DNAJC18: variants seen among roughly 807,000 people sequenced by gnomAD.
The protein encoded by DNAJC18 is DnaJ heat shock protein family (Hsp40) member C18.
A neutral mutation model predicts 48.6 loss-of-function variants in DNAJC18; 40 were observed. That is an observed-to-expected ratio of 0.82 (90% confidence interval 0.64 to 1.07). DNAJC18 has a LOEUF of 1.07. Among genes scored for constraint, DNAJC18 ranks in the 50% least tolerant of loss-of-function variants. The pLI is 0.00. For synonymous variants in DNAJC18, 135 were observed against 152.2 expected (o/e 0.89, Z 0.83); for missense variants, 340 against 427.7 (o/e 0.79, Z 1.81).
chr5:139,417,363 C>A (rs943516398), intron 7 of DNAJC18, among the ~76,000 whole-genome samples: 2 of 152,138 alleles, frequency 1.3e-5, no homozygotes, highest in African/African-American at 4.8e-5. Context: ...ATTTTTACAA[C>A]CTCCAAGTGC....
intron 7 of DNAJC18, among the ~76,000 whole-genome samples, chr5:139,414,600 G>T (rs530762011): frequency 2.0e-5 from 3 of 152,226 alleles, no homozygotes; most frequent in African/African-American, 7.2e-5. Flanking sequence ...TCCTACAAAC[G>T]GGATTCCAAC....
chr5:139,438,299 G>C (rs1750720579), intron 1 of DNAJC18, among the ~76,000 whole-genome samples: 1 of 149,448 alleles, frequency 6.7e-6, no homozygotes, highest in South Asian at 2.1e-4. Context: ...CTGGGTGATA[G>C]AGCGAGACTC....
At chr5:139,436,866 T>A (rs1750672733) in intron 2 of DNAJC18, among the ~76,000 whole-genome samples, 1 of 152,212 alleles carries the variant, frequency 6.6e-6, no homozygotes, top group Admixed American at 6.5e-5. Context: ...TCATTTTCAC[T>A]CATCTCAAAG....
chr5:139,438,326 A>AAG (rs1561471082), intron 1 of DNAJC18, among the ~76,000 whole-genome samples: 1 of 142,908 alleles, frequency 7.0e-6, no homozygotes, highest in Non-Finnish European at 1.6e-5. Flanking sequence ...AAAAAAAAAA[A>AAG]AAAGAACATT....
In DNAJC18 at chr5:139,433,359, G is replaced by A. The variant is rs188268631; in HGVS notation, c.227+4013C>T. On this transcript the variant is annotated intron_variant, in intron 2 of 7. Coordinates refer to ENST00000302060, the MANE Select transcript of DNAJC18 (RefSeq NM_152686.4). ...CTTGGGAGGCTGAGGCAGGACAATC[G>A]CTTGAACCTGGGAGGTGGAGGTTGC... Among the ~76,000 whole-genome samples the A allele has an allele frequency of 1.4e-3, 218 of 151,510 alleles. 1 individual carries two copies. The highest frequency in any genetic ancestry group is 3.4e-4 in the Non-Finnish European group (23 of 67,938).
At chr5:139,419,174 T>A (rs1407428507) in intron 7 of DNAJC18, 4 of 445,266 alleles carry the variant, frequency 9.0e-6, no homozygotes, top group Non-Finnish European at 1.8e-5. Flanking sequence ...GGGTACCTCC[T>A]GAAAAATAAA....
rs1009358287 is a variant in DNAJC18 at position 139,435,131 on chromosome 5, C to A, written c.227+2241G>T. Among the ~76,000 whole-genome samples, 3 of 152,108 alleles carry A rather than the reference C, an allele frequency of 2.0e-5. 1 individual carries two copies. The highest frequency in any genetic ancestry group is 6.8e-3 in the Middle Eastern group (2 of 294). On this transcript the variant is annotated intron_variant, in intron 2 of 7. Coordinates refer to ENST00000302060, the MANE Select transcript of DNAJC18 (RefSeq NM_152686.4). ...ATCCCAGCACTTTGGGAGGCCGAGG[C>A]GGGCAGATCACAAGGTCACGAGACC...
chr5:139,423,066 T>G (rs1458312443), intron 5 of DNAJC18, among the ~76,000 whole-genome samples: 1 of 152,128 alleles, frequency 6.6e-6, no homozygotes, highest in Non-Finnish European at 1.5e-5. Context: ...TCTCCTGACC[T>G]CGTGATCTGC....
Position 139,425,116 on chromosome 5 carries a change from T to C in DNAJC18, c.560-2A>G. 1 of 1,609,758 alleles carries C rather than the reference T, an allele frequency of 6.2e-7. No individual in the cohort carries two copies. The highest frequency in any genetic ancestry group is 1.7e-4 in the Middle Eastern group (1 of 6,038). The stretch of plus-strand genomic sequence containing the variant: ...CATTTGAAAACATATGAATATTTCC[T>C]GGAAAAGAAATACATGGTATGGGAT... On this transcript the variant is annotated splice_acceptor_variant, in intron 4 of 7. Transcript: ENST00000302060. LOFTEE classifies it high-confidence loss of function.
Position 139,439,426 on chromosome 5 carries a change from C to T in DNAJC18, c.20G>A (p.Ser7Asn). The T allele has an allele frequency of 1.2e-6, 2 of 1,613,926 alleles. No homozygotes were observed. Among genetic ancestry groups the T allele is most frequent in the South Asian group, 1.1e-5 (1 of 91,086 alleles). Reference sequence around the variant, plus strand: ...AGTACCTTCCGTCCAGCGCTCCCCGCTGCCCAGAGTCGCCGCCATATCGGT... The same window carrying T: ...AGTACCTTCCGTCCAGCGCTCCCCGTTGCCCAGAGTCGCCGCCATATCGGT... MAATLG[S>N]GERWTEAYID... is the part of the protein sequence containing the mutation. Residue 7 changes from serine to asparagine, a missense_variant, in exon 1 of 8, where the codon AGC (serine) becomes AAC (asparagine). Ser to Asn is a conservative substitution (Grantham distance 46, BLOSUM62 1). Transcript: ENST00000302060. The surrounding 1 kb of genome is among the most constrained non-coding windows in gnomAD (Gnocchi z 4.1).
intron 5 of DNAJC18, among the ~76,000 whole-genome samples, chr5:139,424,717 CAAAAAAAAAAAAAAAAAAAAA>C (rs70982777): frequency 4.3e-5 from 1 of 23,100 alleles, no homozygotes; most frequent in Admixed American, 8.2e-4. Flanking sequence ...GACCCTCTCT[CAAAAAAAAAAAAAAAAAAAAA>C]AAAAAAAAAA....
At position 139,413,353 on chromosome 5, in the gene DNAJC18, G is replaced by A. The variant is rs1014658278; in HGVS notation, c.*795C>T. On this transcript the variant is annotated 3_prime_UTR_variant, in exon 8 of 8. Coordinates refer to ENST00000302060, the MANE Select transcript of DNAJC18 (RefSeq NM_152686.4). ...GGATGTAGGAACTCAGCCTAAGTGCGATGACACCAATGATGATACTGAGGG... is the reference window on the plus strand; with the variant it reads ...GGATGTAGGAACTCAGCCTAAGTGCAATGACACCAATGATGATACTGAGGG... 1 of 153,950 alleles carries A rather than the reference G, an allele frequency of 6.5e-6. No individual in the cohort carries two copies. The highest frequency in any genetic ancestry group is 2.4e-5 in the African/African-American group (1 of 41,510). 9.5% of individuals were successfully genotyped at this position (153,950 alleles called of 1,614,324 possible).
rs370514481 is a variant in DNAJC18 at position 139,439,482 on chromosome 5, C to A, written c.-37G>T. The A allele has an allele frequency of 3.0e-5, 49 of 1,613,602 alleles. No homozygotes were observed. The highest frequency in any genetic ancestry group is 3.9e-5 in the Non-Finnish European group (46 of 1,179,976). ...ATCAGCAGGTCCGCCGAGCCTCCCC[C>A]GTGCCCGAGGCTGAAAGAGAAGGGG... On this transcript the variant is annotated 5_prime_UTR_variant, in exon 1 of 8. Transcript: ENST00000302060. This position sits in a 1 kb window ranked among gnomAD's most constrained non-coding sequence, Gnocchi z 4.1.
intron 2 of DNAJC18, among the ~76,000 whole-genome samples, chr5:139,432,995 G>A (rs1759353920): frequency 6.6e-6 from 1 of 152,132 alleles, no homozygotes; most frequent in African/African-American, 2.4e-5. Context: ...AGTTGATGAG[G>A]TAGGGCTGGC....
rs7733910 is a variant in DNAJC18, at chr5:139,425,455, C to T, written c.560-341G>A. ...TTGGGATTACAGGCGTAAGCTACCG[C>T]GCCTGACCCTTCCTTGCCTTTTTCA... is the stretch of plus-strand genomic sequence containing the variant. On this transcript the variant is annotated intron_variant, in intron 4 of 7. Coordinates refer to ENST00000302060, the MANE Select transcript of DNAJC18 (RefSeq NM_152686.4). 8.0e-3 allele frequency among the ~76,000 whole-genome samples: 1,213 copies of T among 152,330 alleles called. 17 individuals are homozygous for T. The highest frequency in any genetic ancestry group is 0.028 in the African/African-American group (1,159 of 41,556).
chr5:139,435,704 A>ATTTTTTTTTTTTTTTTTTT (rs1561470246), intron 2 of DNAJC18, among the ~76,000 whole-genome samples: 1 of 20,130 alleles, frequency 5.0e-5, no homozygotes, highest in Admixed American at 8.0e-4. Context: ...CTTCATTGGA[A>ATTTTTTTTTTTTTTTTTTT]GTTTTTTTTT....
At position 139,437,432 on chromosome 5, in the gene DNAJC18, T is replaced by C; in HGVS notation, c.167A>G (p.Gln56Arg). 6.2e-7 allele frequency: 1 copy of C among 1,614,172 alleles called. No individual in the cohort carries two copies. Among genetic ancestry groups the C allele is most frequent in the Non-Finnish European group, 8.5e-7 (1 of 1,180,008 alleles). ...GGAGTTCCCCTCACCCTGCCGGGTC[T>C]GAGTCCACTCATTCTCAGACTTCTT... ...KEKKSENEWT[Q>R]TRQGEGNSTY... The change falls in exon 2 of 8, where the codon CAG (glutamine) becomes CGG (arginine). Residue 56 changes from glutamine (Q) to arginine (R), a missense_variant. Transcript: ENST00000302060.
chr5:139,433,704 T>C lies in DNAJC18; in HGVS notation c.227+3668A>G, dbSNP rs1320658476. On this transcript the variant is annotated intron_variant, in intron 2 of 7. Transcript: ENST00000302060. ...TGTTTACATTTTTCTCAAATGCAAA[T>C]GGTACCATGTAGTCTCAAGTGTTTG... Among the ~76,000 whole-genome samples, 9 of 152,318 alleles carry C rather than the reference T, an allele frequency of 5.9e-5. 1 individual carries two copies. In the South Asian group the frequency reaches 1.0e-3, roughly 18 times the overall value.
At chr5:139,422,154 G>A (rs561559241) in intron 6 of DNAJC18, among the ~76,000 whole-genome samples, 2 of 152,168 alleles carry the variant, frequency 1.3e-5, no homozygotes, top group East Asian at 1.9e-4. Context: ...TGATGCTGAC[G>A]ATGGCTGGTC....
Sources: gnomAD v4.1 joint callset for allele counts (sites outside exome capture counted in the v4.1 genomes callset) on GRCh38, gnomAD v4.1.1 for gene constraint, Gnocchi (gnomAD v3.1) non-coding constraint, MANE v1.5 for transcripts, NCBI Gene and HGNC (gene_info 2026-07-23, HGNC 2026-07-21) for gene names.